Variants in SBNO1 observed in about 807,000 individuals in gnomAD.
The protein encoded by SBNO1 is protein strawberry notch homolog 1.
In SBNO1, 23 loss-of-function variants were observed where a neutral mutation model predicts 173.6. That is an observed-to-expected ratio of 0.13 (90% CI 0.10 to 0.19). The LOEUF is 0.19. Ranked by LOEUF, SBNO1 falls within the 10% of genes least tolerant of loss-of-function variation. The probability of loss-of-function intolerance (pLI) is 1.00; values close to 1 mark genes in which losing one functional copy is unlikely to be tolerated. For synonymous variants in SBNO1, 632 were observed against 571.5 expected, an observed-to-expected ratio of 1.11 and a Z score of -1.51; for missense variants, 1,238 against 1,671.2, an observed-to-expected ratio of 0.74 and a Z score of 4.52.
chr12:123,306,817 A>T (rs2048926783), intron 28 of SBNO1, among the ~76,000 whole-genome samples: 1 of 152,080 alleles, frequency 6.6e-6, no homozygotes, highest in African/African-American at 2.4e-5. Flanking sequence ...TGATAAAAGT[A>T]TGCAAGATGT....
chr12:123,308,951 T>G (rs1241505564), intron 28 of SBNO1, among the ~76,000 whole-genome samples: 1 of 152,026 alleles, frequency 6.6e-6, no homozygotes, highest in African/African-American at 2.4e-5. Flanking sequence ...TAAAAATACA[T>G]GTCAGCCAGG....
chr12:123,327,422 TC>T lies in SBNO1; in HGVS notation c.1692+3del. 1 of 1,605,384 alleles carries T rather than the reference TC, an allele frequency of 6.2e-7. No individual in the cohort carries two copies. The highest frequency in any genetic ancestry group is 2.2e-5 in the East Asian group (1 of 44,842). On this transcript the variant is annotated splice_donor_region_variant and intron_variant, in intron 13 of 31. Coordinates refer to ENST00000602398, the MANE Select transcript of SBNO1 (RefSeq NM_001167856.3). Reference sequence around the variant, plus strand: ...AACACTAGGAATTAAGAAAAATTCCTCACCAGCTTGACAGCTTTGTTATACA... The same window carrying T: ...AACACTAGGAATTAAGAAAAATTCCTACCAGCTTGACAGCTTTGTTATACA...
intron 24 of SBNO1, among the ~76,000 whole-genome samples, chr12:123,312,702 C>A (rs1868739452): frequency 1.3e-5 from 2 of 149,614 alleles, no homozygotes; most frequent in Non-Finnish European, 3.0e-5. Context: ...CAGCACGAGA[C>A]CCCGTCTCGA....
intron 30 of SBNO1, among the ~76,000 whole-genome samples, chr12:123,299,971 T>C (rs2048731768): frequency 6.6e-6 from 1 of 152,182 alleles, no homozygotes; most frequent in South Asian, 2.1e-4. Flanking sequence ...CTAAATCACA[T>C]TAGTGGGAAG....
rs143013489 is a variant in SBNO1 at position 123,294,634 on chromosome 12, CAAAAAAAAAAAA to C, written c.*1262_*1273del. ...TTTTCAATAGTGCAACCTGTGGAAG[CAAAAAAAAAAAA>C]AAAAAAAAAAAAAAAGAAAAAAAGA... On this transcript the variant is annotated 3_prime_UTR_variant, in exon 32 of 32. Transcript: ENST00000602398. 7 of 60,032 alleles carry C rather than the reference CAAAAAAAAAAAA, an allele frequency of 1.2e-4. No homozygotes were observed. The highest frequency in any genetic ancestry group is 3.3e-4 in the African/African-American group (4 of 12,270). 3.7% of individuals were successfully genotyped at this position (60,032 alleles called of 1,614,324 possible). A position where few individuals can be genotyped will look rare whatever the true frequency, so the allele number is the denominator to read the frequency against.
At chr12:123,302,236 T>C (rs1242874063) in intron 30 of SBNO1, among the ~76,000 whole-genome samples, 1 of 132,870 alleles carries the variant, frequency 7.5e-6, no homozygotes, top group East Asian at 2.4e-4. Context: ...CCTGGCCTTA[T>C]TGTTTTTTTT....
intron 5 of SBNO1, among the ~76,000 whole-genome samples, chr12:123,339,661 C>A (rs1229820926): frequency 1.3e-5 from 2 of 152,028 alleles, no homozygotes; most frequent in Non-Finnish European, 1.5e-5. Context: ...GTGGTGGGCA[C>A]CTGTAATCCC....
chr12:123,355,541 T>C (rs1593418841), intron 1 of SBNO1, among the ~76,000 whole-genome samples: 1 of 149,754 alleles, frequency 6.7e-6, no homozygotes, highest in African/African-American at 2.5e-5. Flanking sequence ...GAGGCGGAGG[T>C]TGCAGTGAGC....
chr12:123,298,417 T>C (rs758623515), intron 30 of SBNO1, among the ~76,000 whole-genome samples: 5 of 151,908 alleles, frequency 3.3e-5, no homozygotes, highest in Non-Finnish European at 7.4e-5. Flanking sequence ...TTTTTTGTTG[T>C]TGTTGTTGTT....
chr12:123,353,211 A>C (rs1276138657), intron 1 of SBNO1, among the ~76,000 whole-genome samples: 1 of 152,184 alleles, frequency 6.6e-6, no homozygotes, highest in African/African-American at 2.4e-5. Context: ...ACCGTGTTAA[A>C]TTCTTCATAA....
intron 1 of SBNO1, chr12:123,363,869 A>G: frequency 1.0e-6 from 1 of 985,654 alleles, no homozygotes; most frequent in Non-Finnish European, 1.2e-6. Context: ...TGCCAGGGTC[A>G]GGAAAGAAAC....
Position 123,320,850 on chromosome 12 carries a change from T to C in SBNO1, c.2340A>G (p.Arg780=). The change falls in exon 18 of 32, where the codon AGA becomes AGG. Residue 780 remains arginine (R), a synonymous_variant. Coordinates refer to ENST00000602398, the MANE Select transcript of SBNO1 (RefSeq NM_001167856.3). ...EDDENDPWLI[R]KDHKKNKEKK... ...TCTCTTTGTTTTTCTTGTGGTCTTT[T>C]CTAATTAACCAGGGATCTGAGTGTT... 6.3e-7 allele frequency: 1 copy of C among 1,583,312 alleles called. No homozygotes were observed. Among genetic ancestry groups the C allele is most frequent in the Non-Finnish European group, 8.6e-7 (1 of 1,167,198 alleles).
intron 1 of SBNO1, chr12:123,364,403 G>A (rs748213554): frequency 1.0e-6 from 1 of 985,354 alleles, no homozygotes; most frequent in Non-Finnish European, 1.2e-6. Context: ...TCCAAGAGGG[G>A]TGCCTCCGGC....
intron 1 of SBNO1, among the ~76,000 whole-genome samples, chr12:123,361,654 A>T (rs1218154817): frequency 6.6e-6 from 1 of 150,846 alleles, no homozygotes; most frequent in Non-Finnish European, 1.5e-5. Context: ...GAATCACTTG[A>T]ACCAAGGAGC....
intron 16 of SBNO1, among the ~76,000 whole-genome samples, chr12:123,322,364 G>C (rs777722528): frequency 4.0e-5 from 6 of 151,842 alleles, no homozygotes; most frequent in African/African-American, 9.7e-5. Flanking sequence ...GCATAATCTT[G>C]GCTCACTGCA....
intron 6 of SBNO1, among the ~76,000 whole-genome samples, chr12:123,335,511 A>C (rs568365550): frequency 4.6e-5 from 7 of 152,310 alleles, no homozygotes; most frequent in Admixed American, 4.6e-4. Flanking sequence ...AAATTTAACA[A>C]CCAAGTCCCC....
At chr12:123,360,297 G>A (rs1874995681) in intron 1 of SBNO1, among the ~76,000 whole-genome samples, 1 of 152,068 alleles carries the variant, frequency 6.6e-6, no homozygotes. Flanking sequence ...GGCAAAGCAT[G>A]GGAACCCACA....
chr12:123,326,961 T>A (rs1448679772), intron 13 of SBNO1, among the ~76,000 whole-genome samples: 3 of 152,294 alleles, frequency 2.0e-5, no homozygotes, highest in East Asian at 1.9e-4. Flanking sequence ...ACACATTGGT[T>A]AAACAGCCTA....
chr12:123,319,806 T>G, intron 20 of SBNO1, 94 bp downstream of exon 20: 1 of 1,037,636 alleles, frequency 9.6e-7, no homozygotes. Flanking sequence ...TCAATGGACA[T>G]GACTTATATT....
Sources: allele counts gnomAD v4.1 joint callset (sites outside exome capture counted in the v4.1 genomes callset), GRCh38; gene constraint gnomAD v4.1.1; transcripts MANE v1.5; gene names NCBI Gene and HGNC (gene_info 2026-07-23, HGNC 2026-07-21).